SASH1: variants seen among roughly 807,000 people sequenced by gnomAD.
SASH1 encodes the protein SAM and SH3 domain containing 1.
SASH1 carries 44 observed loss-of-function variants against 125.2 expected under a neutral mutation model. That is an observed-to-expected ratio of 0.35 (90% CI 0.28 to 0.45). The LOEUF is 0.45. Ranked by LOEUF, SASH1 falls within the 20% of genes least tolerant of loss-of-function variation. The pLI, the probability that SASH1 is intolerant of heterozygous loss-of-function variation, is 1.00. For missense variants in SASH1, 1,426 were observed against 1,614.5 expected (o/e 0.88, Z 2.00); for synonymous variants, 639 against 649.1 (o/e 0.98, Z 0.24).
At chr6:148,199,559 G>A in the SASH1 span, among the ~76,000 whole-genome samples, 5 of 152,066 alleles carry the variant, frequency 3.3e-5, no homozygotes, top group Admixed American at 6.6e-5. Flanking sequence ...TTAACTAGAT[G>A]TGATGGTGCA....
chr6:148,487,681 C>G lies in SASH1; in HGVS notation c.695C>G (p.Ser232Cys), dbSNP rs748635559. 1.9e-6 allele frequency: 3 copies of G among 1,613,460 alleles called. No homozygotes were observed. Among genetic ancestry groups the G allele is most frequent in the African/African-American group, 1.3e-5 (1 of 74,896 alleles). The part of the protein sequence containing the change: ...ALDPADWPDG[S>C]YPTFDGSSNC... Reference sequence around the variant, plus strand: ...GACCCTGCTGACTGGCCAGATGGTTCTTACCCAACGTTTGATGGCTCATCA... The same window carrying G: ...GACCCTGCTGACTGGCCAGATGGTTGTTACCCAACGTTTGATGGCTCATCA... Residue 232 changes from serine to cysteine, a missense_variant, in exon 8 of 20, where the codon TCT becomes TGT. By Grantham distance (112) the Ser-to-Cys change is moderately radical. Around this residue, in one of 3 missense-constraint regions of SASH1, gnomAD observed 567 missense variants for 575.6 expected, o/e 0.99. Transcript: ENST00000367467.
At chr6:148,301,243 T>C (rs1329397346) in intron 1 of SASH1, among the ~76,000 whole-genome samples, 4 of 149,388 alleles carry the variant, frequency 2.7e-5, no homozygotes, top group Non-Finnish European at 5.9e-5. Context: ...GGAGAATCAC[T>C]TGAACCTGGG....
chr6:148,204,450 G>C, the SASH1 span, among the ~76,000 whole-genome samples: 4 of 152,262 alleles, frequency 2.6e-5, no homozygotes, highest in African/African-American at 7.2e-5. Flanking sequence ...CCAGCACTTT[G>C]GGAGGCCAAG....
chr6:148,482,524 CTT>C (rs766327821), intron 7 of SASH1, among the ~76,000 whole-genome samples: 2 of 141,952 alleles, frequency 1.4e-5, no homozygotes, highest in Non-Finnish European at 3.1e-5. Context: ...GCATGGTGAA[CTT>C]TTTTTTTTTT....
intron 1 of SASH1, among the ~76,000 whole-genome samples, chr6:148,299,406 C>A (rs1779872000): frequency 6.6e-6 from 1 of 151,774 alleles, no homozygotes; most frequent in African/African-American, 2.4e-5. Context: ...GTGGCTCACA[C>A]CTGTAGTCCC....
At chr6:148,222,854 T>A in the SASH1 span, among the ~76,000 whole-genome samples, 4,677 of 151,922 alleles carry the variant, frequency 0.031, 234 homozygotes, top group African/African-American at 0.11. Context: ...AACAAGGGAA[T>A]GGAAACTTCT....
At chr6:148,248,897 G>A in the SASH1 span, among the ~76,000 whole-genome samples, 13 of 152,166 alleles carry the variant, frequency 8.5e-5, no homozygotes, top group African/African-American at 3.1e-4. Flanking sequence ...ATGCAAACAA[G>A]CAAACATTGT....
At chr6:148,254,113 A>C in the SASH1 span, among the ~76,000 whole-genome samples, 2 of 152,100 alleles carry the variant, frequency 1.3e-5, no homozygotes, top group Non-Finnish European at 2.9e-5. Flanking sequence ...AGGCTGAGGC[A>C]CAAGAATCGC....
intron 1 of SASH1, among the ~76,000 whole-genome samples, chr6:148,301,491 C>T (rs910728683): frequency 1.3e-5 from 2 of 151,988 alleles, no homozygotes; most frequent in Non-Finnish European, 2.9e-5. Context: ...GTCTCAAACT[C>T]CTGACCTCAG....
At chr6:148,216,314 T>G in the SASH1 span, among the ~76,000 whole-genome samples, 1 of 152,218 alleles carries the variant, frequency 6.6e-6, no homozygotes, top group Non-Finnish European at 1.5e-5. Flanking sequence ...TTTTATTGTC[T>G]AAAGAGAAAT....
chr6:148,248,498 C>G, the SASH1 span, among the ~76,000 whole-genome samples: 1 of 152,184 alleles, frequency 6.6e-6, no homozygotes, highest in African/African-American at 2.4e-5. Context: ...AAAATCTACC[C>G]TCTACCTGAT....
intron 2 of SASH1, among the ~76,000 whole-genome samples, chr6:148,422,880 A>G (rs184268552): frequency 1.3e-5 from 2 of 152,298 alleles, no homozygotes; most frequent in East Asian, 1.9e-4. Context: ...CAATTTTTAT[A>G]TAATTCTTTT....
intron 1 of SASH1, among the ~76,000 whole-genome samples, chr6:148,285,792 C>A (rs920656782): frequency 3.3e-5 from 5 of 152,174 alleles, no homozygotes; most frequent in African/African-American, 1.2e-4. Flanking sequence ...CAACAGTTTT[C>A]AATGCAAACA....
At chr6:148,382,968 A>T (rs1330032092) in intron 1 of SASH1, among the ~76,000 whole-genome samples, 2 of 152,226 alleles carry the variant, frequency 1.3e-5, no homozygotes, top group Non-Finnish European at 2.9e-5. Context: ...TCCTGAGACA[A>T]AGTATACTTC....
intron 2 of SASH1, among the ~76,000 whole-genome samples, chr6:148,408,122 T>C (rs1270386593): frequency 6.6e-6 from 1 of 151,106 alleles, no homozygotes; most frequent in Non-Finnish European, 1.5e-5. Flanking sequence ...CTAATGTTAG[T>C]GATGTTGGGC....
intron 1 of SASH1, among the ~76,000 whole-genome samples, chr6:148,307,048 C>G (rs1476382078): frequency 8.3e-6 from 1 of 120,440 alleles, no homozygotes; most frequent in Non-Finnish European, 1.7e-5. Flanking sequence ...TTCTTTCTTT[C>G]TTTCTTTCTT....
chr6:148,336,176 CT>C (rs61290611), intron 1 of SASH1, among the ~76,000 whole-genome samples: 985 of 70,594 alleles, frequency 0.014, 8 homozygotes, highest in South Asian at 0.03. Flanking sequence ...AAACTGCATC[CT>C]TTTTTTTTTT....
intron 1 of SASH1, among the ~76,000 whole-genome samples, chr6:148,382,967 A>T (rs971786898): frequency 2.0e-5 from 3 of 152,232 alleles, no homozygotes; most frequent in African/African-American, 7.2e-5. Flanking sequence ...TTCCTGAGAC[A>T]AAGTATACTT....
At chr6:148,305,623 C>CAAAAAAAAAAAAAAAAAAA (rs59521298) in intron 1 of SASH1, among the ~76,000 whole-genome samples, 2 of 104,382 alleles carry the variant, frequency 1.9e-5, no homozygotes, top group Admixed American at 1.1e-4. Context: ...GACTCTGACT[C>CAAAAAAAAAAAAAAAAAAA]AAAAAAAAAA....
Sources: allele counts gnomAD v4.1 joint callset (sites outside exome capture counted in the v4.1 genomes callset), GRCh38; gene constraint gnomAD v4.1.1; regional missense constraint gnomAD v4.1.1; transcripts MANE v1.5; gene names NCBI Gene and HGNC (gene_info 2026-07-23, HGNC 2026-07-21).